Variants in SLC35F1 observed in about 807,000 individuals in gnomAD.
The protein encoded by SLC35F1 is chromosome 6 open reading frame 169.
SLC35F1 carries 14 observed loss-of-function variants against 48.7 expected under a neutral mutation model. The ratio of observed to expected loss-of-function variants is 0.29; its 90% CI spans 0.19 to 0.45. The LOEUF (loss-of-function observed/expected upper bound fraction) is 0.45, where lower values mean the gene tolerates loss of function less well. SLC35F1 is among the 20% of genes least tolerant of loss of function. The pLI is 1.00. For missense variants in SLC35F1, 404 were observed against 500.0 expected (o/e 0.81, Z 1.83); for synonymous variants, 190 against 202.2 (o/e 0.94, Z 0.51).
intron 7 of SLC35F1, among the ~76,000 whole-genome samples, chr6:118,305,574 A>G (rs35815740): frequency 6.6e-6 from 1 of 152,170 alleles, no homozygotes; most frequent in South Asian, 2.1e-4. Context: ...TATCCTGCAT[A>G]CAATTAGAAA....
At chr6:117,926,071 A>T (rs1439280553) in intron 1 of SLC35F1, among the ~76,000 whole-genome samples, 1 of 152,164 alleles carries the variant, frequency 6.6e-6, no homozygotes, top group African/African-American at 2.4e-5. Flanking sequence ...GCATCTAAGC[A>T]TATGACAGTG....
At chr6:117,960,472 G>A (rs1012249966) in intron 1 of SLC35F1, among the ~76,000 whole-genome samples, 3 of 151,864 alleles carry the variant, frequency 2.0e-5, no homozygotes, top group Admixed American at 1.3e-4. Context: ...AGAATCAGGG[G>A]GAGGATTATA....
At chr6:118,167,803 C>G (rs1418482294) in intron 2 of SLC35F1, among the ~76,000 whole-genome samples, 7 of 152,128 alleles carry the variant, frequency 4.6e-5, no homozygotes, top group Non-Finnish European at 2.9e-5. Flanking sequence ...TATGACATCA[C>G]TAGGCAGTAG....
chr6:117,963,618 T>G (rs993436978), intron 1 of SLC35F1, among the ~76,000 whole-genome samples: 1 of 152,266 alleles, frequency 6.6e-6, no homozygotes, highest in East Asian at 1.9e-4. Context: ...TAGACAATTT[T>G]CCCCCCTGAA....
chr6:118,149,565 A>G (rs558239096), intron 1 of SLC35F1, among the ~76,000 whole-genome samples: 39 of 152,316 alleles, frequency 2.6e-4, no homozygotes, highest in Non-Finnish European at 4.6e-4. Context: ...GCAGGCTGCA[A>G]TAGCTACAAT....
At chr6:118,055,886 C>T (rs980515499) in intron 1 of SLC35F1, among the ~76,000 whole-genome samples, 2 of 152,194 alleles carry the variant, frequency 1.3e-5, no homozygotes, top group Non-Finnish European at 2.9e-5. Flanking sequence ...CTCCTGCTCC[C>T]TGCTAGGAGG....
chr6:118,162,039 A>C (rs115576527), intron 2 of SLC35F1, among the ~76,000 whole-genome samples: 173 of 152,330 alleles, frequency 1.1e-3, no homozygotes, highest in African/African-American at 4.0e-3. Context: ...ATGAAAACAT[A>C]ATGTCCCTGC....
At chr6:117,918,728 C>A (rs1173513892) in intron 1 of SLC35F1, among the ~76,000 whole-genome samples, 1 of 152,046 alleles carries the variant, frequency 6.6e-6, no homozygotes, top group Non-Finnish European at 1.5e-5. Flanking sequence ...GAATCTGCGA[C>A]CTTGGAAAAG....
At chr6:118,108,280 A>T (rs886313422) in intron 1 of SLC35F1, among the ~76,000 whole-genome samples, 1 of 152,136 alleles carries the variant, frequency 6.6e-6, no homozygotes, top group Non-Finnish European at 1.5e-5. Flanking sequence ...TTCTTCTATA[A>T]TTAAGTGTGA....
At chr6:118,182,519 A>AGAAG (rs10529265) in intron 2 of SLC35F1, among the ~76,000 whole-genome samples, 15,964 of 106,204 alleles carry the variant, frequency 0.15, 1,626 homozygotes, top group East Asian at 0.23. Flanking sequence ...AGAGAGAGAG[A>AGAAG]GAAGGAAGGA....
chr6:117,977,225 C>T (rs1395129736), intron 1 of SLC35F1, among the ~76,000 whole-genome samples: 4 of 146,664 alleles, frequency 2.7e-5, no homozygotes, highest in African/African-American at 1.0e-4. Flanking sequence ...GAGACGGAGT[C>T]TCTCTCCCTC....
At chr6:118,154,755 G>A (rs1024597694) in intron 2 of SLC35F1, 135 bp downstream of exon 2, 17 of 793,228 alleles carry the variant, frequency 2.1e-5, no homozygotes, top group Non-Finnish European at 3.0e-5. Flanking sequence ...TTTCTATTTT[G>A]CAGTAATACA....
chr6:118,115,723 G>A (rs1035548701), intron 1 of SLC35F1, among the ~76,000 whole-genome samples: 1 of 152,128 alleles, frequency 6.6e-6, no homozygotes, highest in Non-Finnish European at 1.5e-5. Flanking sequence ...AGCTTAATAT[G>A]AAACTTGAAC....
At chr6:118,013,028 A>C (rs1434485513) in intron 1 of SLC35F1, among the ~76,000 whole-genome samples, 4 of 152,114 alleles carry the variant, frequency 2.6e-5, no homozygotes, top group South Asian at 2.1e-4. Flanking sequence ...ACCAGAGAAC[A>C]GCACTTAAAT....
intron 2 of SLC35F1, among the ~76,000 whole-genome samples, chr6:118,168,480 TA>T (rs1774351646): frequency 6.6e-6 from 1 of 152,152 alleles, no homozygotes; most frequent in Non-Finnish European, 1.5e-5. Flanking sequence ...TATACTGTAA[TA>T]AAAGTTATGT....
intron 1 of SLC35F1, among the ~76,000 whole-genome samples, chr6:117,934,401 G>T (rs1251510196): frequency 6.6e-6 from 1 of 152,154 alleles, no homozygotes; most frequent in East Asian, 1.9e-4. Context: ...CAGTATTGGG[G>T]AGATACATTA....
chr6:118,242,945 A>T (rs911550723), intron 3 of SLC35F1, among the ~76,000 whole-genome samples: 2 of 152,184 alleles, frequency 1.3e-5, no homozygotes, highest in Non-Finnish European at 2.9e-5. Flanking sequence ...AGATTCTTTA[A>T]GCAGTTTCCA....
intron 1 of SLC35F1, among the ~76,000 whole-genome samples, chr6:118,054,246 A>G (rs969518926): frequency 3.9e-5 from 6 of 152,214 alleles, no homozygotes; most frequent in African/African-American, 1.4e-4. Flanking sequence ...AGCACTTTGT[A>G]GACAATAAGG....
At chr6:118,184,128 G>C (rs1463939320) in intron 2 of SLC35F1, among the ~76,000 whole-genome samples, 2 of 152,174 alleles carry the variant, frequency 1.3e-5, no homozygotes, top group Non-Finnish European at 2.9e-5. Context: ...ATGTTTTCCT[G>C]ACAAAGCACA....
Sources: allele counts gnomAD v4.1 joint callset (sites outside exome capture counted in the v4.1 genomes callset), GRCh38; gene constraint gnomAD v4.1.1; transcripts MANE v1.5; gene names NCBI Gene and HGNC (gene_info 2026-07-23, HGNC 2026-07-21).